HECW1: variants seen among roughly 807,000 people sequenced by gnomAD.
HECW1 encodes the protein HECT, C2 and WW domain containing E3 ubiquitin protein ligase 1.
HECW1 carries 61 observed loss-of-function variants against 182.3 expected under a neutral mutation model. The ratio of observed to expected loss-of-function variants is 0.33; its 90% confidence interval spans 0.27 to 0.41. The LOEUF (loss-of-function observed/expected upper bound fraction) is 0.41, where lower values mean the gene tolerates loss of function less well. Ranked by LOEUF, HECW1 falls within the 10% of genes least tolerant of loss-of-function variation. HECW1 has a pLI of 1.00. For synonymous variants in HECW1, 859 were observed against 832.6 expected (o/e 1.03, Z -0.55); for missense variants, 1,739 against 2,108.9 (o/e 0.82, Z 3.44).
chr7:43,151,977 T>C (rs1225204494), intron 2 of HECW1, among the ~76,000 whole-genome samples: 1 of 152,120 alleles, frequency 6.6e-6, no homozygotes, highest in African/African-American at 2.4e-5. Flanking sequence ...AGACATAAAT[T>C]CTATAGATCT....
In HECW1 at chr7:43,563,100, T is replaced by G. The variant is rs1006217803; in HGVS notation, c.*1174T>G. 4 of 203,570 alleles carry G rather than the reference T, an allele frequency of 2.0e-5. No homozygotes were observed. The highest frequency in any genetic ancestry group is 9.2e-5 in the African/African-American group (4 of 43,618). 12.6% of individuals were successfully genotyped at this position (203,570 alleles called of 1,614,324 possible). A position where few individuals can be genotyped will look rare whatever the true frequency, so the allele number is the denominator to read the frequency against. On this transcript the variant is annotated 3_prime_UTR_variant, in exon 30 of 30. Coordinates refer to ENST00000395891, the MANE Select transcript of HECW1 (RefSeq NM_015052.5). ...CACACTAGGAAGCTGCAGAGAGTGA[T>G]GGTGCTTGTTAGGGATCAAGGGCAA...
intron 9 of HECW1, 39 bp from the exon 10 acceptor site, chr7:43,442,490 G>A (rs766412584): frequency 7.2e-7 from 1 of 1,390,302 alleles, no homozygotes; most frequent in East Asian, 2.3e-5. Context: ...AGGAAGAGAG[G>A]TATTGACCAG....
intron 16 of HECW1, among the ~76,000 whole-genome samples, chr7:43,472,077 AGATT>A (rs1400602345): frequency 1.3e-5 from 2 of 152,212 alleles, no homozygotes; most frequent in Non-Finnish European, 2.9e-5. Context: ...AGCTGTTTTA[AGATT>A]GCAGGGAAAA....
At chr7:43,512,823 CT>C (rs1292513685) in intron 24 of HECW1, among the ~76,000 whole-genome samples, 3 of 152,140 alleles carry the variant, frequency 2.0e-5, no homozygotes, top group Non-Finnish European at 4.4e-5. Context: ...CATTATAAGG[CT>C]TCAAAGGATT....
intron 5 of HECW1, among the ~76,000 whole-genome samples, chr7:43,327,919 G>T (rs955684076): frequency 1.3e-5 from 2 of 151,538 alleles, no homozygotes; most frequent in African/African-American, 4.8e-5. Flanking sequence ...AGAAGTACAG[G>T]AAAGATAAGT....
At chr7:43,143,310 G>A (rs1273208762) in intron 2 of HECW1, among the ~76,000 whole-genome samples, 1 of 152,052 alleles carries the variant, frequency 6.6e-6, no homozygotes, top group Non-Finnish European at 1.5e-5. Context: ...TTGAGACAAG[G>A]TCTCGCTCTG....
chr7:43,561,757 C>A, intron 29 of HECW1, 58 bp from the exon 30 acceptor site: 2 of 1,197,408 alleles, frequency 1.7e-6, no homozygotes, highest in Non-Finnish European at 2.5e-6. Context: ...AGTCACAGAT[C>A]CAGAACCAGT....
chr7:43,330,006 G>A (rs751313229), intron 5 of HECW1, among the ~76,000 whole-genome samples: 20 of 152,228 alleles, frequency 1.3e-4, no homozygotes, highest in African/African-American at 4.3e-4. Context: ...AGTTGAGGAC[G>A]GAATTCCATC....
At chr7:43,260,405 G>A (rs1801044725) in intron 3 of HECW1, among the ~76,000 whole-genome samples, 3 of 152,160 alleles carry the variant, frequency 2.0e-5, no homozygotes, top group Admixed American at 1.3e-4. Context: ...CAAGATAGGT[G>A]CAACACAGGG....
Position 43,463,650 on chromosome 7 carries a change from T to C in HECW1, c.2652-10T>C. ...AGTTAACTCCTGTCTTTCCATTTTCTAATGCAAAGGTATCAAAACATTCAG... is the reference window on the plus strand; with the variant it reads ...AGTTAACTCCTGTCTTTCCATTTTCCAATGCAAAGGTATCAAAACATTCAG... On this transcript the variant is annotated splice_polypyrimidine_tract_variant and intron_variant, in intron 13 of 29. Coordinates refer to ENST00000395891, the MANE Select transcript of HECW1 (RefSeq NM_015052.5). 1 of 1,609,066 alleles carries C rather than the reference T, an allele frequency of 6.2e-7. No homozygotes were observed. The highest frequency in any genetic ancestry group is 1.3e-5 in the African/African-American group (1 of 74,934).
At chr7:43,274,307 A>C (rs1441523590) in intron 3 of HECW1, 1 of 1,037,878 alleles carries the variant, frequency 9.6e-7, no homozygotes, top group Non-Finnish European at 1.4e-6. Flanking sequence ...TTTGTATCTC[A>C]GTTAAAGAAG....
chr7:43,488,395 G>A (rs1392165399), intron 17 of HECW1, among the ~76,000 whole-genome samples: 28 of 60,858 alleles, frequency 4.6e-4, no homozygotes, highest in Non-Finnish European at 5.9e-4. Flanking sequence ...AGGAAGGAAG[G>A]AAGGAAATGA....
Position 43,396,716 on chromosome 7 carries a change from G to A in HECW1, c.556-98G>A, listed in dbSNP as rs73101371. On this transcript the variant is annotated intron_variant, in intron 6 of 29. Coordinates refer to ENST00000395891, the MANE Select transcript of HECW1 (RefSeq NM_015052.5). ...GAAATCACTGTCTTCGTTGCCTGTA[G>A]CTGGTAAAATCACTGTGAATAACCA... 7.6e-3 allele frequency: 6,019 copies of A among 789,968 alleles called. 126 individuals are homozygous for A. The highest frequency in any genetic ancestry group is 0.061 in the African/African-American group (3,623 of 58,940). 48.9% of individuals were successfully genotyped at this position (789,968 alleles called of 1,614,324 possible).
At chr7:43,407,503 A>C (rs949263402) in intron 7 of HECW1, 59 bp from the exon 8 acceptor site, 20 of 1,301,416 alleles carry the variant, frequency 1.5e-5, no homozygotes, top group Non-Finnish European at 2.0e-5. Context: ...GTGGTTACCA[A>C]ATGCCAGTCG....
intron 24 of HECW1, chr7:43,509,519 T>C (rs11763891): frequency 0.45 from 70,564 of 156,558 alleles, 16,254 homozygotes; most frequent in South Asian, 0.67. Context: ...CACTGGCTTC[T>C]GCATCTTACT....
chr7:43,242,838 T>C (rs1385417879), intron 2 of HECW1, among the ~76,000 whole-genome samples: 1 of 152,194 alleles, frequency 6.6e-6, no homozygotes, highest in Non-Finnish European at 1.5e-5. Context: ...GCAAGGGTGC[T>C]GCACGGTGTG....
At chr7:43,321,639 GA>G (rs1810126230) in intron 5 of HECW1, among the ~76,000 whole-genome samples, 2 of 152,242 alleles carry the variant, frequency 1.3e-5, no homozygotes, top group Admixed American at 1.3e-4. Flanking sequence ...TGTCAGAAAG[GA>G]AATGGAGTGA....
intron 3 of HECW1, among the ~76,000 whole-genome samples, chr7:43,273,915 A>C (rs1802752743): frequency 1.3e-5 from 2 of 151,234 alleles, no homozygotes; most frequent in African/African-American, 4.9e-5. Context: ...GCGGTGGCAC[A>C]ATCTCGGCTC....
intron 2 of HECW1, among the ~76,000 whole-genome samples, chr7:43,216,491 A>G (rs1796452551): frequency 6.6e-6 from 1 of 152,118 alleles, no homozygotes; most frequent in Non-Finnish European, 1.5e-5. Flanking sequence ...GGCAGAAGGC[A>G]GTCCATCCAC....
Sources: allele counts gnomAD v4.1 joint callset (sites outside exome capture counted in the v4.1 genomes callset), GRCh38; gene constraint gnomAD v4.1.1; transcripts MANE v1.5; gene names NCBI Gene and HGNC (gene_info 2026-07-23, HGNC 2026-07-21).